Variants in EPHA7 observed in about 807,000 individuals in gnomAD.
EPHA7 encodes the protein ephrin type-A receptor 7.
In EPHA7, 25 loss-of-function variants were observed where a neutral mutation model predicts 112.6. The observed-to-expected ratio is 0.22, with a 90% CI of 0.16 to 0.31. The LOEUF is 0.31. EPHA7 is among the 10% of genes least tolerant of loss of function. EPHA7 has a pLI of 1.00. For missense variants in EPHA7, 962 were observed against 1,212.6 expected (o/e 0.79, Z 3.07); for synonymous variants, 437 against 406.5 (o/e 1.07, Z -0.90).
intron 5 of EPHA7, among the ~76,000 whole-genome samples, chr6:93,301,296 A>G (rs1465347343): frequency 6.6e-6 from 1 of 152,190 alleles, no homozygotes; most frequent in African/African-American, 2.4e-5. Context: ...CAAGTACAAA[A>G]TGTGTAATGA....
chr6:93,390,779 C>T (rs966831682), intron 3 of EPHA7, among the ~76,000 whole-genome samples: 1 of 151,760 alleles, frequency 6.6e-6, no homozygotes, highest in Non-Finnish European at 1.5e-5. Flanking sequence ...GGATTGTTAA[C>T]ATTATTAGTT....
At chr6:93,332,470 ATC>A (rs1244940508) in intron 5 of EPHA7, among the ~76,000 whole-genome samples, 7 of 151,614 alleles carry the variant, frequency 4.6e-5, no homozygotes. Context: ...TACAAATTCC[ATC>A]TCTCTCTTTG....
chr6:93,311,562 A>G (rs1227200697), intron 5 of EPHA7, among the ~76,000 whole-genome samples: 1 of 152,092 alleles, frequency 6.6e-6, no homozygotes, highest in African/African-American at 2.4e-5. Flanking sequence ...TTTTCACCAC[A>G]TCTGCAGTTA....
At chr6:93,416,772 C>CTG (rs1308215254) in intron 1 of EPHA7, among the ~76,000 whole-genome samples, 1 of 152,110 alleles carries the variant, frequency 6.6e-6, no homozygotes, top group African/African-American at 2.4e-5. Flanking sequence ...CCCCGGAGTC[C>CTG]TGTGGGCCAA....
At chr6:93,389,400 G>A (rs764710014) in intron 3 of EPHA7, among the ~76,000 whole-genome samples, 5 of 151,952 alleles carry the variant, frequency 3.3e-5, no homozygotes, top group East Asian at 1.9e-4. Context: ...AATAGCTTTC[G>A]CTTTCACACA....
At chr6:93,293,157 G>T (rs1772471857) in intron 5 of EPHA7, among the ~76,000 whole-genome samples, 1 of 150,856 alleles carries the variant, frequency 6.6e-6, no homozygotes, top group Non-Finnish European at 1.5e-5. Flanking sequence ...ACATAGAAAA[G>T]ACTATGTAAA....
At chr6:93,248,817 C>T (rs535872172) in intron 14 of EPHA7, among the ~76,000 whole-genome samples, 19 of 152,288 alleles carry the variant, frequency 1.2e-4, no homozygotes, top group Admixed American at 1.2e-3. Flanking sequence ...ATCCTCCTGC[C>T]TCACATCCTC....
In EPHA7 at chr6:93,272,363, A is replaced by C. The variant is rs555480655; in HGVS notation, c.1384T>G (p.Ser462Ala). The change falls in exon 6 of 17, where the codon TCC becomes GCC. Residue 462 changes from serine to alanine, a missense_variant. Physicochemically the swap from Ser to Ala is moderately conservative, Grantham distance 99. Around this residue, in one of 3 missense-constraint regions of EPHA7, gnomAD observed 746 missense variants for 889.2 expected, o/e 0.84. Coordinates refer to ENST00000369303, the MANE Select transcript of EPHA7 (RefSeq NM_004440.4). ...TTGGGATGCTCTGGTTCCTGCCAGG[A>C]AAGCTCGACACTCCGCTGCAGTACT... ...ERVLQRSVEL[S>A]WQEPEHPNGV... The C allele has an allele frequency of 1.4e-5, 22 of 1,612,260 alleles. No individual in the cohort carries two copies. In the African/African-American group the frequency reaches 2.3e-4, roughly 17 times the overall value.
In EPHA7 at chr6:93,243,263, T is replaced by G; in HGVS notation, c.*163A>C. 2.1e-6 allele frequency: 1 copy of G among 470,752 alleles called. No individual in the cohort carries two copies. Among genetic ancestry groups the G allele is most frequent in the Non-Finnish European group, 3.8e-6 (1 of 266,098 alleles). The allele number at this position is 470,752 out of a possible 1,614,324, so 29.2% of individuals were successfully genotyped here. A position where few individuals can be genotyped will look rare whatever the true frequency, so the allele number is the denominator to read the frequency against. On this transcript the variant is annotated 3_prime_UTR_variant, in exon 17 of 17. Coordinates refer to ENST00000369303, the MANE Select transcript of EPHA7 (RefSeq NM_004440.4). ...TAAATTCCCTTTTTATATATTCTGG[T>G]GGCACTTAGGAGTTCAAGTCTATAG...
chr6:93,317,446 G>T (rs1482698430), intron 5 of EPHA7, among the ~76,000 whole-genome samples: 1 of 152,042 alleles, frequency 6.6e-6, no homozygotes, highest in African/African-American at 2.4e-5. Flanking sequence ...CCAGTTTTTT[G>T]ATGGCCTTGG....
intron 3 of EPHA7, among the ~76,000 whole-genome samples, chr6:93,379,431 T>C (rs1226989725): frequency 6.6e-6 from 1 of 152,094 alleles, no homozygotes; most frequent in African/African-American, 2.4e-5. Context: ...AACTTAACTT[T>C]AGAGCATTAT....
At chr6:93,336,108 A>G (rs1774854780) in intron 5 of EPHA7, among the ~76,000 whole-genome samples, 1 of 152,160 alleles carries the variant, frequency 6.6e-6, no homozygotes, top group African/African-American at 2.4e-5. Context: ...ATTGAGCACT[A>G]AAACTTTCAA....
At chr6:93,322,441 A>G (rs1030547803) in intron 5 of EPHA7, among the ~76,000 whole-genome samples, 1 of 151,640 alleles carries the variant, frequency 6.6e-6, no homozygotes, top group Admixed American at 6.6e-5. Flanking sequence ...GCCCCCCAGG[A>G]AGGCCAAAAG....
At chr6:93,405,456 G>A (rs1582680891) in intron 3 of EPHA7, among the ~76,000 whole-genome samples, 1 of 151,554 alleles carries the variant, frequency 6.6e-6, no homozygotes, top group East Asian at 1.9e-4. Flanking sequence ...AACTATTTGT[G>A]GCCTGTGAGA....
chr6:93,393,478 T>C (rs1026335347), intron 3 of EPHA7, among the ~76,000 whole-genome samples: 2 of 151,796 alleles, frequency 1.3e-5, no homozygotes, highest in Admixed American at 1.3e-4. Flanking sequence ...AGAGGTCCAG[T>C]GAGATGATAT....
Position 93,358,383 on chromosome 6 carries a change from G to A in EPHA7, c.861C>T (p.Ser287=), listed in dbSNP as rs752522774. The A allele has an allele frequency of 3.7e-6, 6 of 1,611,800 alleles. No individual in the cohort carries two copies. The Middle Eastern group carries it at 6.6e-4, about 177-fold the overall frequency. The stretch of plus-strand genomic sequence containing the variant: ...AACGAGAGCACTGAAGATCTTGAGA[G>A]GAAGACTTGTAGAACCCACGGCCAC... The part of the protein sequence containing the change: ...EPCGRGFYKS[S]SQDLQCSRCP... The change falls in exon 4 of 17, where the codon TCC becomes TCT. Residue 287 remains serine, a synonymous_variant. Transcript: ENST00000369303.
intron 5 of EPHA7, among the ~76,000 whole-genome samples, chr6:93,334,259 T>C (rs1396789728): frequency 6.6e-6 from 1 of 151,918 alleles, no homozygotes; most frequent in Non-Finnish European, 1.5e-5. Context: ...TCAATATGGA[T>C]TAAAGACTTA....
At chr6:93,245,146 C>T in intron 16 of EPHA7, 152 bp downstream of exon 16, 1 of 659,538 alleles carries the variant, frequency 1.5e-6, no homozygotes, top group Non-Finnish European at 2.5e-6. Context: ...TAGTATAATG[C>T]CTGGTACGCA....
rs895476918 is a variant in EPHA7, at chr6:93,242,332, A to C, written c.*1094T>G. On this transcript the variant is annotated 3_prime_UTR_variant, in exon 17 of 17. Coordinates refer to ENST00000369303, the MANE Select transcript of EPHA7 (RefSeq NM_004440.4). ...TGTGTTTAAATGGTGAAAATTGTGA[A>C]CTGCCCCTTTATCATGCTTCAGAGT... The C allele has an allele frequency of 5.0e-6, 1 of 201,582 alleles. No homozygotes were observed. The highest frequency in any genetic ancestry group is 2.3e-5 in the African/African-American group (1 of 43,604). The allele number at this position is 201,582 out of a possible 1,614,324, so 12.5% of individuals were successfully genotyped here.
Sources: gnomAD v4.1 joint callset for allele counts (sites outside exome capture counted in the v4.1 genomes callset) on GRCh38, gnomAD v4.1.1 for gene constraint, gnomAD v4.1.1 regional missense constraint, MANE v1.5 for transcripts, NCBI Gene and HGNC (gene_info 2026-07-23, HGNC 2026-07-21) for gene names.